The following SEPHS1 variants were observed in gnomAD, a reference collection of about 807,000 sequenced individuals.
SEPHS1 encodes selenophosphate synthetase 1.
Under a neutral mutation model 39.2 loss-of-function variants are expected in SEPHS1, and 7 were observed. That is an observed-to-expected ratio of 0.18 (90% confidence interval 0.10 to 0.34). The LOEUF is 0.34. Ranked by LOEUF, SEPHS1 falls within the 10% of genes least tolerant of loss-of-function variation. The pLI, the probability that SEPHS1 is intolerant of heterozygous loss-of-function variation, is 1.00. For synonymous variants in SEPHS1, 190 were observed against 195.5 expected, an observed-to-expected ratio of 0.97 and a Z score of 0.23; for missense variants, 253 against 514.5, an observed-to-expected ratio of 0.49 and a Z score of 4.92.
At chr10:13,345,821 G>A (rs1833905450) in intron 1 of SEPHS1, among the ~76,000 whole-genome samples, 1 of 152,228 alleles carries the variant, frequency 6.6e-6, no homozygotes, top group Non-Finnish European at 1.5e-5. Flanking sequence ...AGGTTGCAGT[G>A]AGCCGAGATC....
At chr10:13,342,127 C>T (rs1833805537) in intron 2 of SEPHS1, among the ~76,000 whole-genome samples, 1 of 150,664 alleles carries the variant, frequency 6.6e-6, no homozygotes, top group South Asian at 2.1e-4. Context: ...ATTAGCCAGG[C>T]ATGGTGGCGG....
chr10:13,345,909 A>T (rs1833907969), intron 1 of SEPHS1, among the ~76,000 whole-genome samples: 1 of 152,204 alleles, frequency 6.6e-6, no homozygotes, highest in Non-Finnish European at 1.5e-5. Context: ...ATGCAATCCA[A>T]AACTAATAGG....
intron 7 of SEPHS1, 25 bp from the exon 8 acceptor site, chr10:13,323,072 G>C (rs759592416): frequency 6.3e-7 from 1 of 1,598,050 alleles, no homozygotes; most frequent in African/African-American, 1.3e-5. Flanking sequence ...GGGCGGCTCT[G>C]AGAAAAAACA....
Position 13,318,963 on chromosome 10 carries a change from T to C in SEPHS1, c.*179A>G. On this transcript the variant is annotated 3_prime_UTR_variant, in exon 9 of 9. Coordinates refer to ENST00000327347, the MANE Select transcript of SEPHS1 (RefSeq NM_012247.5). ...CAAGATTAGGTGCATCTTCAGTTAATGTAACAGGAAAAAAAGGCAATGGAT... is the reference window on the plus strand; with the variant it reads ...CAAGATTAGGTGCATCTTCAGTTAACGTAACAGGAAAAAAAGGCAATGGAT... The C allele has an allele frequency of 3.3e-6, 2 of 607,020 alleles. No individual in the cohort carries two copies. Among genetic ancestry groups the C allele is most frequent in the South Asian group, 4.3e-5 (2 of 46,504 alleles). The allele number at this position is 607,020 out of a possible 1,614,324, so 37.6% of individuals were successfully genotyped here. A position where few individuals can be genotyped will look rare whatever the true frequency, so the allele number is the denominator to read the frequency against.
At chr10:13,330,890 G>A (rs764723273) in intron 5 of SEPHS1, among the ~76,000 whole-genome samples, 39 of 151,784 alleles carry the variant, frequency 2.6e-4, no homozygotes, top group Non-Finnish European at 4.3e-4. Context: ...CAACATGCAG[G>A]TTTGATACAT....
At chr10:13,347,846 C>T (rs1425069989) in intron 1 of SEPHS1, among the ~76,000 whole-genome samples, 154 bp downstream of exon 1, 3 of 145,492 alleles carry the variant, frequency 2.1e-5, no homozygotes, top group Admixed American at 6.7e-5. Flanking sequence ...CCGGCGCTGC[C>T]CCTCTCCAGG....
chr10:13,345,644 A>G (rs1444687653), intron 1 of SEPHS1, among the ~76,000 whole-genome samples: 1 of 152,200 alleles, frequency 6.6e-6, no homozygotes, highest in Non-Finnish European at 1.5e-5. Flanking sequence ...GCACTTTGGG[A>G]GGCCAACGCG....
intron 4 of SEPHS1, among the ~76,000 whole-genome samples, chr10:13,335,435 G>C (rs1189125053): frequency 6.7e-6 from 1 of 149,148 alleles, no homozygotes; most frequent in Admixed American, 6.7e-5. Context: ...GGAGGCCGAA[G>C]TGGGTGGATC....
intron 4 of SEPHS1, among the ~76,000 whole-genome samples, chr10:13,335,700 C>T (rs893036856): frequency 2.9e-5 from 4 of 140,184 alleles, no homozygotes; most frequent in African/African-American, 8.2e-5. Context: ...ATGCCTTGGG[C>T]CGGGCACGGT....
chr10:13,341,231 G>A (rs7902435), intron 2 of SEPHS1, among the ~76,000 whole-genome samples: 27 of 152,106 alleles, frequency 1.8e-4, no homozygotes, highest in African/African-American at 5.8e-4. Flanking sequence ...AAAAACTAGC[G>A]TTTGAAATGG....
At chr10:13,325,794 A>G (rs1007721144) in intron 7 of SEPHS1, among the ~76,000 whole-genome samples, 2 of 150,564 alleles carry the variant, frequency 1.3e-5, no homozygotes, top group Non-Finnish European at 3.0e-5. Context: ...GCTACTCCAG[A>G]GGCTGAGGCA....
Position 13,328,957 on chromosome 10 carries a change from C to T in SEPHS1, c.652-507G>A, listed in dbSNP as rs918136316. On this transcript the variant is annotated intron_variant, in intron 6 of 8. Transcript: ENST00000327347. The stretch of plus-strand genomic sequence containing the variant: ...AGCCTTAGAGAATTTCTCTACCCTG[C>T]GACATCAAGCTAAGATATACCAGGT... Among the ~76,000 whole-genome samples the T allele has an allele frequency of 1.5e-4, 23 of 152,150 alleles. 1 individual carries two copies. The highest frequency in any genetic ancestry group is 2.6e-4 in the Admixed American group (4 of 15,270).
At position 13,328,368 on chromosome 10, in the gene SEPHS1, G is replaced by A. The variant is rs955621821; in HGVS notation, c.734C>T (p.Ala245Val). Residue 245 changes from alanine to valine, a missense_variant, in exon 7 of 9, where the codon GCG becomes GTG. By Grantham distance (64) the Ala-to-Val change is moderately conservative (BLOSUM62 0). Transcript: ENST00000327347. The part of the protein sequence containing the change: ...LAYQEAMMNM[A>V]RLNRTAAGLM... Reference sequence around the variant, plus strand: ...TGTCATACCTGTCCTGTTGAGCCTCGCCATGTTCATCATCGCCTCCTGGTA... The same window carrying A: ...TGTCATACCTGTCCTGTTGAGCCTCACCATGTTCATCATCGCCTCCTGGTA... 1.2e-6 allele frequency: 2 copies of A among 1,612,418 alleles called. No individual in the cohort carries two copies. Among genetic ancestry groups the A allele is most frequent in the Non-Finnish European group, 1.7e-6 (2 of 1,178,562 alleles).
At chr10:13,345,187 T>C (rs1833888518) in intron 1 of SEPHS1, 159 bp from the exon 2 acceptor site, 2 of 368,746 alleles carry the variant, frequency 5.4e-6, no homozygotes, top group Non-Finnish European at 9.6e-6. Context: ...ACAAAATAGA[T>C]CTTTTCATAA....
At chr10:13,345,991 C>T (rs1328093132) in intron 1 of SEPHS1, among the ~76,000 whole-genome samples, 7 of 152,244 alleles carry the variant, frequency 4.6e-5, no homozygotes, top group South Asian at 2.1e-4. Context: ...GTTCTTCAGG[C>T]GAAAGCCTGG....
At chr10:13,347,053 G>A (rs866161590) in intron 1 of SEPHS1, among the ~76,000 whole-genome samples, 11 of 152,196 alleles carry the variant, frequency 7.2e-5, no homozygotes, top group Admixed American at 2.0e-4. Flanking sequence ...TAGGGAACCA[G>A]GGGGATCCAT....
intron 4 of SEPHS1, among the ~76,000 whole-genome samples, chr10:13,334,847 C>T (rs1833579846): frequency 6.6e-6 from 1 of 152,356 alleles, no homozygotes; most frequent in South Asian, 2.1e-4. Flanking sequence ...ACAGGACCAG[C>T]CCTAGGTCTG....
rs964387617 is a variant in SEPHS1, at chr10:13,318,302, A to G, written c.*840T>C. 6 of 152,638 alleles carry G rather than the reference A, an allele frequency of 3.9e-5. No individual in the cohort carries two copies. Among genetic ancestry groups the G allele is most frequent in the African/African-American group, 1.4e-4 (6 of 41,462 alleles). 9.5% of individuals were successfully genotyped at this position (152,638 alleles called of 1,614,324 possible). On this transcript the variant is annotated 3_prime_UTR_variant, in exon 9 of 9. Coordinates refer to ENST00000327347, the MANE Select transcript of SEPHS1 (RefSeq NM_012247.5). ...AAATGTATTAAACACTACCATCCAC[A>G]GAACAGTCTTTACTATTGATTATAT... is the stretch of plus-strand genomic sequence containing the variant.
chr10:13,347,323 CGTCGGAGGCGGCCGG>C (rs1446380802), intron 1 of SEPHS1: 1 of 151,914 alleles, frequency 6.6e-6, no homozygotes. Context: ...AGGACGCCCG[CGTCGGAGGCGGCCGG>C]GGAGGGGAGC....
Sources: gnomAD v4.1 joint callset for allele counts (sites outside exome capture counted in the v4.1 genomes callset) on GRCh38, gnomAD v4.1.1 for gene constraint, MANE v1.5 for transcripts, NCBI Gene and HGNC (gene_info 2026-07-23, HGNC 2026-07-21) for gene names.